PCSK2: variants seen among roughly 807,000 people sequenced by gnomAD.
PCSK2 encodes the protein neuroendocrine convertase 2.
In PCSK2, 14 loss-of-function variants were observed where a neutral mutation model predicts 69.7. The ratio of observed to expected loss-of-function variants is 0.20; its 90% CI spans 0.13 to 0.31. The LOEUF (loss-of-function observed/expected upper bound fraction) is 0.31. PCSK2 is among the 10% of genes least tolerant of loss of function. The pLI is 1.00. For missense variants in PCSK2, 544 were observed against 842.5 expected, an observed-to-expected ratio of 0.65 and a Z score of 4.39; for synonymous variants, 307 against 320.7, an observed-to-expected ratio of 0.96 and a Z score of 0.46.
chr20:17,467,278 A>G (rs575716643), intron 11 of PCSK2, among the ~76,000 whole-genome samples: 2 of 152,338 alleles, frequency 1.3e-5, no homozygotes, highest in Admixed American at 6.5e-5. Context: ...GGTGACGTCT[A>G]TGGGCCCCAT....
At chr20:17,479,465 G>T in intron 11 of PCSK2, 2 of 512,548 alleles carry the variant, frequency 3.9e-6, no homozygotes, top group East Asian at 4.1e-5. Flanking sequence ...GCGGAGCTAC[G>T]CCTGTGCCTG....
chr20:17,261,195 T>C (rs1457304714), intron 2 of PCSK2, among the ~76,000 whole-genome samples: 1 of 152,220 alleles, frequency 6.6e-6, no homozygotes, highest in Admixed American at 6.5e-5. Context: ...GGAAAGTATG[T>C]AATAACTCAG....
At chr20:17,326,055 C>G (rs185350383) in intron 2 of PCSK2, among the ~76,000 whole-genome samples, 13 of 152,376 alleles carry the variant, frequency 8.5e-5, no homozygotes, top group African/African-American at 3.1e-4. Flanking sequence ...TCATGGCCCA[C>G]TATCTCTTCT....
rs141059738 is a variant in PCSK2, at chr20:17,408,203, G to A, written c.544-1060G>A. 3.9e-5 allele frequency among the ~76,000 whole-genome samples: 6 copies of A among 152,142 alleles called. No individual in the cohort carries two copies. In the East Asian group the frequency reaches 1.2e-3, roughly 29 times the overall value. On this transcript the variant is annotated intron_variant, in intron 5 of 11. Coordinates refer to ENST00000262545, the MANE Select transcript of PCSK2 (RefSeq NM_002594.5). ...ACTGTGAACCAAGAAGCCATCTGGG[G>A]TCTTCATTTCAGACCCCCAAAACAA...
rs78089045 is a variant in PCSK2, at chr20:17,404,997, T to C, written c.544-4266T>C. Among the ~76,000 whole-genome samples the C allele has an allele frequency of 4.0e-3, 609 of 152,272 alleles. 22 individuals are homozygous for C. Among genetic ancestry groups the C allele is most frequent in the Admixed American group, 0.034 (523 of 15,290 alleles). On this transcript the variant is annotated intron_variant, in intron 5 of 11. Coordinates refer to ENST00000262545, the MANE Select transcript of PCSK2 (RefSeq NM_002594.5). Reference sequence around the variant, plus strand: ...GCTGATTTAGCTGGTGGGCCATATTTTGTGACCTTTGCTGTCGGTGATCAA... The same window carrying C: ...GCTGATTTAGCTGGTGGGCCATATTCTGTGACCTTTGCTGTCGGTGATCAA...
intron 2 of PCSK2, among the ~76,000 whole-genome samples, chr20:17,335,195 G>GGA (rs1990311306): frequency 2.7e-5 from 4 of 150,638 alleles, no homozygotes; most frequent in African/African-American, 9.9e-5. Flanking sequence ...GCGGAGATTG[G>GGA]GGGGGTTGTC....
chr20:17,417,039 G>A (rs1365147564), intron 6 of PCSK2, among the ~76,000 whole-genome samples: 1 of 149,514 alleles, frequency 6.7e-6, no homozygotes, highest in Non-Finnish European at 1.5e-5. Context: ...TGGCAGACTG[G>A]GGGAGGGGTA....
intron 2 of PCSK2, among the ~76,000 whole-genome samples, chr20:17,328,621 T>A (rs919220092): frequency 1.3e-5 from 2 of 152,094 alleles, no homozygotes; most frequent in Non-Finnish European, 2.9e-5. Context: ...GGGTGCTATG[T>A]ATGGTAAACG....
chr20:17,336,682 A>G (rs950280725), intron 2 of PCSK2, among the ~76,000 whole-genome samples: 6 of 152,164 alleles, frequency 3.9e-5, no homozygotes, highest in Admixed American at 3.9e-4. Flanking sequence ...ACTACACATC[A>G]TTGTTCACAC....
At chr20:17,246,126 C>T (rs1445316188) in intron 1 of PCSK2, among the ~76,000 whole-genome samples, 1 of 152,192 alleles carries the variant, frequency 6.6e-6, no homozygotes, top group African/African-American at 2.4e-5. Flanking sequence ...CCCCATAGAG[C>T]TTGCAATCCA....
chr20:17,378,996 G>T (rs1172368784), intron 5 of PCSK2, among the ~76,000 whole-genome samples: 1 of 152,088 alleles, frequency 6.6e-6, no homozygotes, highest in Non-Finnish European at 1.5e-5. Context: ...AAAACCTTTA[G>T]GTGACCAAGC....
chr20:17,451,915 C>CTTTATTT (rs2032830652), intron 8 of PCSK2, among the ~76,000 whole-genome samples: 1 of 101,610 alleles, frequency 9.8e-6, no homozygotes, highest in African/African-American at 3.8e-5. Context: ...TTGTACTTTG[C>CTTTATTT]TTTTTTTTTT....
At chr20:17,317,865 G>T (rs142899469) in intron 2 of PCSK2, among the ~76,000 whole-genome samples, 1 of 152,296 alleles carries the variant, frequency 6.6e-6, no homozygotes, top group South Asian at 2.1e-4. Context: ...AGATGTAGAC[G>T]CAGGAAGGAC....
chr20:17,245,921 G>T (rs1401713477), intron 1 of PCSK2, among the ~76,000 whole-genome samples: 1 of 152,154 alleles, frequency 6.6e-6, no homozygotes, highest in Admixed American at 6.5e-5. Context: ...TAGTTAGACA[G>T]CCTGCTTGAC....
At chr20:17,470,372 C>T (rs1445629638) in intron 11 of PCSK2, among the ~76,000 whole-genome samples, 2 of 152,154 alleles carry the variant, frequency 1.3e-5, no homozygotes, top group Admixed American at 1.3e-4. Flanking sequence ...ACAGCCATGT[C>T]TAAGGCACAT....
At chr20:17,454,065 C>G in intron 9 of PCSK2, 108 bp downstream of exon 9, 1 of 1,481,656 alleles carries the variant, frequency 6.7e-7, no homozygotes, top group South Asian at 1.3e-5. Context: ...TCCCTCAGAG[C>G]CTGAACTAAG....
chr20:17,384,417 A>G (rs2031175077), intron 5 of PCSK2, among the ~76,000 whole-genome samples: 1 of 134,636 alleles, frequency 7.4e-6, no homozygotes, highest in African/African-American at 2.7e-5. Context: ...GCGAAGCTCC[A>G]TATCTACCAA....
chr20:17,428,997 CAAAAAAAAAAAAAAAA>C (rs60206058), intron 6 of PCSK2, among the ~76,000 whole-genome samples: 12 of 36,954 alleles, frequency 3.2e-4, no homozygotes, highest in African/African-American at 1.5e-3. Context: ...GACTCTGTCT[CAAAAAAAAAAAAAAAA>C]AAAAAAAAAA....
At chr20:17,321,672 T>C (rs1379552206) in intron 2 of PCSK2, among the ~76,000 whole-genome samples, 1 of 152,206 alleles carries the variant, frequency 6.6e-6, no homozygotes, top group Non-Finnish European at 1.5e-5. Context: ...GATTCCATAA[T>C]TCACTCTCAA....
Sources: gnomAD v4.1 joint callset for allele counts (sites outside exome capture counted in the v4.1 genomes callset) on GRCh38, gnomAD v4.1.1 for gene constraint, MANE v1.5 for transcripts, NCBI Gene and HGNC (gene_info 2026-07-23, HGNC 2026-07-21) for gene names.